WDTC1: variants seen among roughly 807,000 people sequenced by gnomAD.
The protein encoded by WDTC1 is WD and tetratricopeptide repeats protein 1.
A neutral mutation model predicts 76.0 loss-of-function variants in WDTC1; 12 were observed. The observed-to-expected ratio is 0.16, with a 90% CI of 0.10 to 0.26. The LOEUF (loss-of-function observed/expected upper bound fraction) is 0.26, where lower values mean the gene tolerates loss of function less well. Ranked by LOEUF, WDTC1 falls within the 10% of genes least tolerant of loss-of-function variation. The probability of loss-of-function intolerance (pLI) is 1.00; values close to 1 mark genes in which losing one functional copy is unlikely to be tolerated. For missense variants in WDTC1, 511 were observed against 908.8 expected (o/e 0.56, Z 5.63); for synonymous variants, 326 against 350.8 (o/e 0.93, Z 0.79).
chr1:27,290,589 C>T (rs1016218214), intron 6 of WDTC1, among the ~76,000 whole-genome samples: 1 of 152,164 alleles, frequency 6.6e-6, no homozygotes, highest in Non-Finnish European at 1.5e-5. Flanking sequence ...GGCAAGCCAC[C>T]CGGAAATGGT....
chr1:27,260,986 C>A lies in WDTC1; in HGVS notation c.-69C>A. On this transcript the variant is annotated 5_prime_UTR_variant, in exon 2 of 16. Transcript: ENST00000319394. ...TAAATGTGTATTTTGTGGACCTGGG[C>A]TTGGCTGGAATGCTCAGGGGTCCTG... is the stretch of plus-strand genomic sequence containing the variant. 1.3e-6 allele frequency: 2 copies of A among 1,558,212 alleles called. No individual in the cohort carries two copies. The highest frequency in any genetic ancestry group is 1.8e-6 in the Non-Finnish European group (2 of 1,136,604).
Position 27,267,565 on chromosome 1 carries a change from T to G in WDTC1, c.132+4330T>G, listed in dbSNP as rs997018541. The stretch of plus-strand genomic sequence containing the variant: ...TAAAAAGTCATCTCCTCATTATTTT[T>G]CCCAGCTATGTAATCCAGTTACGTG... On this transcript the variant is annotated intron_variant, in intron 3 of 15. Transcript: ENST00000319394. 2.0e-5 allele frequency among the ~76,000 whole-genome samples: 3 copies of G among 152,164 alleles called. No homozygotes were observed. In the East Asian group the frequency reaches 5.8e-4, roughly 29 times the overall value.
intron 12 of WDTC1, among the ~76,000 whole-genome samples, chr1:27,300,702 A>AG (rs1339895009): frequency 5.9e-5 from 9 of 151,564 alleles, no homozygotes; most frequent in South Asian, 4.2e-4. Flanking sequence ...CAGCCAGGAC[A>AG]GGGGGGGGTC....
rs1396610037 is a variant in WDTC1, at chr1:27,297,065, A to G, written c.967A>G (p.Met323Val). 1.9e-6 allele frequency: 3 copies of G among 1,614,046 alleles called. No homozygotes were observed. Residue 323 changes from methionine to valine, a missense_variant, in exon 11 of 16, where the codon ATG becomes GTG. By Grantham distance (21) the Met-to-Val change is conservative. Coordinates refer to ENST00000319394, the MANE Select transcript of WDTC1 (RefSeq NM_001276252.2). The stretch of plus-strand genomic sequence containing the variant: ...CCTGCCAGAAGTCCAGAATGGCAAG[A>G]TGTCCACCAACGGTGTGTCCAACGG... ...HSSGEVQNGK[M>V]STNGVSNGVS...
chr1:27,247,712 CTT>C (rs35930144), intron 1 of WDTC1, among the ~76,000 whole-genome samples: 58 of 136,522 alleles, frequency 4.2e-4, no homozygotes, highest in Non-Finnish European at 7.6e-4. Flanking sequence ...CATTTTCTTT[CTT>C]TTTTTTTTTT....
At position 27,305,217 on chromosome 1, in the gene WDTC1, G is replaced by A; in HGVS notation, c.1836+24G>A. ...AGGTGAGGGTGCAGAGCCAAGCAGA[G>A]AGGAGGGCAGGGACTCTGTGGAAGG... On this transcript the variant is annotated intron_variant, in intron 15 of 15. Transcript: ENST00000319394. The surrounding 1 kb of genome is among the most constrained non-coding windows in gnomAD (Gnocchi z 4.6). 6.2e-7 allele frequency: 1 copy of A among 1,608,288 alleles called. No homozygotes were observed. The highest frequency in any genetic ancestry group is 8.5e-7 in the Non-Finnish European group (1 of 1,177,706).
rs1230714159 is a variant in WDTC1 at position 27,263,254 on chromosome 1, A to C, written c.132+19A>C. ...GCTGCAGGTAAGAGATCCAGTTTGC[A>C]CCTTAGATGCAGATGGCCTGCTGTC... On this transcript the variant is annotated intron_variant, in intron 3 of 15. Coordinates refer to ENST00000319394, the MANE Select transcript of WDTC1 (RefSeq NM_001276252.2). 6.2e-7 allele frequency: 1 copy of C among 1,609,662 alleles called. No individual in the cohort carries two copies. Among genetic ancestry groups the C allele is most frequent in the South Asian group, 1.1e-5 (1 of 90,762 alleles).
Position 27,234,867 on chromosome 1 carries a change from C to T in WDTC1, c.-184C>T, listed in dbSNP as rs906937147. 24 of 396,430 alleles carry T rather than the reference C, an allele frequency of 6.1e-5. No individual in the cohort carries two copies. The highest frequency in any genetic ancestry group is 1.0e-4 in the Non-Finnish European group (23 of 224,802). 24.6% of individuals were successfully genotyped at this position (396,430 alleles called of 1,614,324 possible). On this transcript the variant is annotated 5_prime_UTR_variant, in exon 1 of 16. Transcript: ENST00000319394. ...CCCCCTCCCCGGGATCCGCGCCCCC[C>T]TTCCCGGGAGAGGGGCCGCCCCCCC...
rs573047804 is a variant in WDTC1 at position 27,261,023 on chromosome 1, A to T, written c.-32A>T. Reference sequence around the variant, plus strand: ...GCTCAGGGGTCCTGAAGATCCTATTATAGCTTCCTTCTGTTGAACCATTAA... The same window carrying T: ...GCTCAGGGGTCCTGAAGATCCTATTTTAGCTTCCTTCTGTTGAACCATTAA... On this transcript the variant is annotated 5_prime_UTR_variant, in exon 2 of 16. Coordinates refer to ENST00000319394, the MANE Select transcript of WDTC1 (RefSeq NM_001276252.2). 1 of 1,613,876 alleles carries T rather than the reference A, an allele frequency of 6.2e-7. No individual in the cohort carries two copies. Among genetic ancestry groups the T allele is most frequent in the African/African-American group, 1.3e-5 (1 of 75,042 alleles).
chr1:27,281,322 C>T (rs1425573100), intron 3 of WDTC1, among the ~76,000 whole-genome samples: 19 of 151,422 alleles, frequency 1.3e-4, no homozygotes, highest in African/African-American at 3.6e-4. Flanking sequence ...GGCGTGTTGG[C>T]GGGCGCCTGT....
At chr1:27,269,590 T>C (rs1442649269) in intron 3 of WDTC1, among the ~76,000 whole-genome samples, 1 of 135,438 alleles carries the variant, frequency 7.4e-6, no homozygotes, top group Non-Finnish European at 1.5e-5. Flanking sequence ...CATGATCAGA[T>C]TTTTTTTTGT....
At chr1:27,278,934 G>A (rs1289914442) in intron 3 of WDTC1, among the ~76,000 whole-genome samples, 2 of 152,108 alleles carry the variant, frequency 1.3e-5, no homozygotes, top group African/African-American at 2.4e-5. Context: ...GCAGTGATGT[G>A]TGCTTCGAAC....
intron 1 of WDTC1, among the ~76,000 whole-genome samples, chr1:27,245,036 G>C (rs2011778895): frequency 6.6e-6 from 1 of 151,420 alleles, no homozygotes; most frequent in African/African-American, 2.5e-5. Flanking sequence ...GCCTCACTCA[G>C]GGTCATACAG....
chr1:27,269,973 G>C (rs889159658), intron 3 of WDTC1, among the ~76,000 whole-genome samples: 1 of 150,660 alleles, frequency 6.6e-6, no homozygotes, highest in Non-Finnish European at 1.5e-5. Context: ...GTCTTGCTCT[G>C]TCACCCAGGC....
intron 2 of WDTC1, among the ~76,000 whole-genome samples, chr1:27,261,799 T>A (rs2012482534): frequency 6.6e-6 from 1 of 152,224 alleles, no homozygotes; most frequent in South Asian, 2.1e-4. Flanking sequence ...TTACCTCCTG[T>A]GCCTCAGTTT....
chr1:27,238,039 G>C (rs2147895151), intron 1 of WDTC1, among the ~76,000 whole-genome samples: 1 of 152,262 alleles, frequency 6.6e-6, no homozygotes, highest in Non-Finnish European at 1.5e-5. Context: ...TTTATCCAGT[G>C]TAACCTTCAT....
rs200592908 is a variant in WDTC1, at chr1:27,303,261, C to CA, written c.1469-344dup. Among the ~76,000 whole-genome samples the CA allele has an allele frequency of 0.15, 18,560 of 127,934 alleles. 1,337 individuals carry two copies. Among genetic ancestry groups the CA allele is most frequent in the South Asian group, 0.2 (820 of 4,026 alleles). The allele number at this position is 127,934 out of a possible 152,430, so 83.9% of individuals were successfully genotyped here. ...TGCACTCCAGCCTGCGTGACCATCT[C>CA]AAAAAAAAAAAAAAAAGTCATCCAT... On this transcript the variant is annotated intron_variant, in intron 13 of 15. Coordinates refer to ENST00000319394, the MANE Select transcript of WDTC1 (RefSeq NM_001276252.2). This position sits in a 1 kb window ranked among gnomAD's most constrained non-coding sequence, Gnocchi z 4.8.
chr1:27,251,603 T>A (rs1035089353), intron 1 of WDTC1, among the ~76,000 whole-genome samples: 2 of 152,142 alleles, frequency 1.3e-5, no homozygotes, highest in Non-Finnish European at 2.9e-5. Context: ...GAGGATTGTT[T>A]GAAGCTAGCC....
intron 9 of WDTC1, among the ~76,000 whole-genome samples, chr1:27,296,122 T>A (rs921925413): frequency 6.6e-6 from 1 of 152,168 alleles, no homozygotes; most frequent in African/African-American, 2.4e-5. Context: ...GTAGATCAGA[T>A]AGCCCACCCT....
Sources: allele counts gnomAD v4.1 joint callset (sites outside exome capture counted in the v4.1 genomes callset), GRCh38; gene constraint gnomAD v4.1.1; non-coding constraint Gnocchi (gnomAD v3.1); transcripts MANE v1.5; gene names NCBI Gene and HGNC (gene_info 2026-07-23, HGNC 2026-07-21).